DCC: variants seen among roughly 807,000 people sequenced by gnomAD.
The protein encoded by DCC is netrin receptor DCC.
Under a neutral mutation model 172.5 loss-of-function variants are expected in DCC, and 58 were observed. The ratio of observed to expected loss-of-function variants is 0.34; its 90% confidence interval spans 0.27 to 0.42. The LOEUF (loss-of-function observed/expected upper bound fraction) is 0.42, where lower values mean the gene tolerates loss of function less well. DCC is among the 10% of genes least tolerant of loss of function. DCC has a pLI of 1.00. For synonymous variants in DCC, 709 were observed against 644.5 expected (o/e 1.10, Z -1.52); for missense variants, 1,740 against 1,791.0 (o/e 0.97, Z 0.51).
intron 12 of DCC, among the ~76,000 whole-genome samples, chr18:53,273,767 ATCT>A (rs936640076): frequency 3.3e-5 from 5 of 150,994 alleles, no homozygotes; most frequent in African/African-American, 1.2e-4. Context: ...TTCAATATGA[ATCT>A]TCTTCTCAAC....
intron 22 of DCC, among the ~76,000 whole-genome samples, chr18:53,450,039 T>C (rs1360628690): frequency 6.6e-6 from 1 of 152,072 alleles, no homozygotes; most frequent in South Asian, 2.1e-4. Context: ...CTTAGCACAG[T>C]GTTTCCATAG....
At chr18:52,679,333 C>T (rs1048996105) in intron 1 of DCC, among the ~76,000 whole-genome samples, 1 of 151,972 alleles carries the variant, frequency 6.6e-6, no homozygotes, top group African/African-American at 2.4e-5. Flanking sequence ...AAATCACATA[C>T]AGATCAGCTT....
chr18:52,645,276 C>A (rs78097921), intron 1 of DCC, among the ~76,000 whole-genome samples: 20,449 of 151,860 alleles, frequency 0.13, 1,533 homozygotes, highest in Admixed American at 0.21. Flanking sequence ...TAGATTACAC[C>A]GAGAAAATTC....
intron 16 of DCC, among the ~76,000 whole-genome samples, chr18:53,391,438 G>A (rs2145008547): frequency 6.6e-6 from 1 of 152,206 alleles, no homozygotes; most frequent in East Asian, 1.9e-4. Context: ...GTAAATTATA[G>A]AAAATATTCA....
intron 1 of DCC, among the ~76,000 whole-genome samples, chr18:52,665,725 TA>T (rs2035449941): frequency 1.3e-5 from 2 of 152,226 alleles, no homozygotes; most frequent in African/African-American, 4.8e-5. Context: ...CAACCACATA[TA>T]AGGAAGTCAA....
chr18:52,791,344 G>A (rs117789324), intron 2 of DCC, among the ~76,000 whole-genome samples: 6,554 of 152,240 alleles, frequency 0.043, 218 homozygotes, highest in South Asian at 0.16. Flanking sequence ...GGGAGTGCAT[G>A]CTGAAGATGA....
intron 1 of DCC, among the ~76,000 whole-genome samples, chr18:52,463,039 T>C (rs915233712): frequency 4.6e-5 from 7 of 152,220 alleles, no homozygotes; most frequent in African/African-American, 1.7e-4. Context: ...TTCTTTCATA[T>C]ACTCAGCATG....
intron 19 of DCC, among the ~76,000 whole-genome samples, chr18:53,410,077 T>C (rs1056441983): frequency 3.9e-5 from 6 of 152,228 alleles, no homozygotes; most frequent in African/African-American, 1.4e-4. Flanking sequence ...AAAATAAATA[T>C]TGTTTATTTT....
intron 1 of DCC, among the ~76,000 whole-genome samples, chr18:52,641,728 G>A (rs2034894613): frequency 6.6e-6 from 1 of 151,990 alleles, no homozygotes; most frequent in Non-Finnish European, 1.5e-5. Context: ...AGATGGTGGT[G>A]TGGATGTGGT....
chr18:52,432,746 C>G (rs1447986215), intron 1 of DCC, among the ~76,000 whole-genome samples: 1 of 152,146 alleles, frequency 6.6e-6, no homozygotes, highest in Admixed American at 6.6e-5. Context: ...CACTATCACT[C>G]TTTTATGTTT....
intron 26 of DCC, among the ~76,000 whole-genome samples, chr18:53,494,497 G>C (rs1187058093): frequency 1.3e-5 from 2 of 152,188 alleles, no homozygotes; most frequent in Non-Finnish European, 2.9e-5. Context: ...GGGTGCTCCT[G>C]CATTGGGTGC....
intron 21 of DCC, among the ~76,000 whole-genome samples, chr18:53,428,371 T>G (rs1376369814): frequency 1.1e-5 from 1 of 89,112 alleles, no homozygotes; most frequent in Non-Finnish European, 1.9e-5. Flanking sequence ...TATAATATAA[T>G]ATTATAATAT....
intron 1 of DCC, among the ~76,000 whole-genome samples, chr18:52,553,632 C>A (rs2032835849): frequency 6.6e-6 from 1 of 151,834 alleles, no homozygotes; most frequent in Non-Finnish European, 1.5e-5. Context: ...TGTGAGTGCA[C>A]ACTCTGGGAA....
At position 53,307,916 on chromosome 18, in the gene DCC, TATATATATATATATA is replaced by T. The variant is rs1200898008; in HGVS notation, c.2053+2198_2053+2212del. 9.8e-4 allele frequency among the ~76,000 whole-genome samples: 52 copies of T among 53,254 alleles called. 1 individual carries two copies. The highest frequency in any genetic ancestry group is 3.8e-3 in the African/African-American group (51 of 13,384). 34.9% of individuals were successfully genotyped at this position (53,254 alleles called of 152,430 possible). On this transcript the variant is annotated intron_variant, in intron 13 of 28. Coordinates refer to ENST00000442544, the MANE Select transcript of DCC (RefSeq NM_005215.4). ...GTGTATGTATATATATATATATATATATATATATATATATATATATATATATATATATATGTATTT... is the reference window on the plus strand; with the variant it reads ...GTGTATGTATATATATATATATATATTATATATATATATATATATGTATTT...
At chr18:52,630,107 A>G (rs1242875701) in intron 1 of DCC, among the ~76,000 whole-genome samples, 1 of 152,010 alleles carries the variant, frequency 6.6e-6, no homozygotes, top group Non-Finnish European at 1.5e-5. Flanking sequence ...GCAAGACTCC[A>G]TCTAAAAGAA....
chr18:52,602,594 T>C (rs2034040374), intron 1 of DCC, among the ~76,000 whole-genome samples: 1 of 152,130 alleles, frequency 6.6e-6, no homozygotes, highest in Non-Finnish European at 1.5e-5. Flanking sequence ...TCTTTAGTAA[T>C]ATGCCTTTAT....
rs865966405 is a variant in DCC at position 53,085,985 on chromosome 18, T to C, written c.1261+19819T>C. On this transcript the variant is annotated intron_variant, in intron 7 of 28. Coordinates refer to ENST00000442544, the MANE Select transcript of DCC (RefSeq NM_005215.4). ...TTCTTCTTCTTCTTCTTCTTCTTCT[T>C]CTTCTCCTTCTCCTTCTTCTCCTTC... 3.9e-4 allele frequency among the ~76,000 whole-genome samples: 24 copies of C among 61,592 alleles called. 1 individual carries two copies. The highest frequency in any genetic ancestry group is 6.0e-3 in the Middle Eastern group (1 of 168). The allele number at this position is 61,592 out of a possible 152,430, so 40.4% of individuals were successfully genotyped here.
intron 21 of DCC, among the ~76,000 whole-genome samples, chr18:53,428,503 G>T (rs1272743462): frequency 1.2e-3 from 46 of 37,616 alleles, no homozygotes; most frequent in East Asian, 2.1e-3. Context: ...TATTTATATT[G>T]TATATTTTAT....
chr18:52,696,083 G>A (rs2036007145), intron 1 of DCC, among the ~76,000 whole-genome samples: 1 of 152,132 alleles, frequency 6.6e-6, no homozygotes, highest in Non-Finnish European at 1.5e-5. Context: ...AATGAAAAAA[G>A]CTATTTCATA....
Sources: allele counts gnomAD v4.1 joint callset (sites outside exome capture counted in the v4.1 genomes callset), GRCh38; gene constraint gnomAD v4.1.1; transcripts MANE v1.5; gene names NCBI Gene and HGNC (gene_info 2026-07-23, HGNC 2026-07-21).